CDHR4: variants seen among roughly 807,000 people sequenced by gnomAD.
CDHR4 encodes cadherin related family member 4.
CDHR4 carries 89 observed loss-of-function variants against 88.4 expected under a neutral mutation model. The ratio of observed to expected loss-of-function variants is 1.01; its 90% CI spans 0.85 to 1.20. The LOEUF is 1.20. Among genes scored for constraint, CDHR4 ranks in the 50% most tolerant of loss-of-function variants. CDHR4 has a pLI of 0.00. For synonymous variants in CDHR4, 368 were observed against 399.2 expected, an observed-to-expected ratio of 0.92 and a Z score of 0.93; for missense variants, 914 against 1,007.2, an observed-to-expected ratio of 0.91 and a Z score of 1.25.
intron 14 of CDHR4, 86 bp from the exon 15 acceptor site, chr3:49,792,696 C>T: frequency 1.3e-6 from 2 of 1,516,182 alleles, no homozygotes; most frequent in Non-Finnish European, 1.8e-6. Context: ...GCTAAGCCAC[C>T]CCACACCCAT....
At position 49,792,620 on chromosome 3, in the gene CDHR4, A is replaced by T. The variant is rs1203184176; in HGVS notation, c.1996-10T>A. The T allele has an allele frequency of 6.4e-7, 1 of 1,551,544 alleles. No homozygotes were observed. Among genetic ancestry groups the T allele is most frequent in the Non-Finnish European group, 8.7e-7 (1 of 1,146,922 alleles). ...TCATCGTTGAGGGCACCTGAAAAGG[A>T]GGCCACAGCCTCACCACTGCCTTGC... On this transcript the variant is annotated splice_polypyrimidine_tract_variant and intron_variant, in intron 14 of 18. Transcript: ENST00000412678.
chr3:49,799,979 G>A (rs1033411240), upstream of CDHR4: 2 of 632,462 alleles, frequency 3.2e-6, no homozygotes, highest in Non-Finnish European at 5.5e-6. Context: ...CTAGACCTCT[G>A]GCAGGCTTCC....
intron 4 of CDHR4, chr3:49,798,480 C>T (rs1429335823): frequency 3.3e-6 from 1 of 307,654 alleles, no homozygotes; most frequent in Non-Finnish European, 5.9e-6. Context: ...CCCAGCTACT[C>T]GGGAGGCTGA....
chr3:49,800,656 AGGATGTTCTATATCT>A (rs2081347979), upstream of CDHR4, among the ~76,000 whole-genome samples: 1 of 152,202 alleles, frequency 6.6e-6, no homozygotes, highest in Non-Finnish European at 1.5e-5. Flanking sequence ...GGAGTTGCTG[AGGATGTTCTATATCT>A]GGGTGGCAGC....
At chr3:49,802,767 C>T (rs936434681), upstream of CDHR4, among the ~76,000 whole-genome samples, 1 of 152,228 alleles carries the variant, frequency 6.6e-6, no homozygotes, top group East Asian at 1.9e-4. Flanking sequence ...TCGGTTGGGA[C>T]GCGGCTGAGG....
intron 17 of CDHR4, 79 bp from the exon 18 acceptor site, chr3:49,791,547 G>A: frequency 1.3e-6 from 2 of 1,516,472 alleles, no homozygotes; most frequent in African/African-American, 1.4e-5. Flanking sequence ...GCCCCTAGGG[G>A]GCCAGAAGCC....
chr3:49,791,232 T>G (rs1270564619), intron 18 of CDHR4, among the ~76,000 whole-genome samples: 1 of 152,120 alleles, frequency 6.6e-6, no homozygotes, highest in African/African-American at 2.4e-5. Context: ...CCAGACCAGA[T>G]ATGAGTCATC....
At position 49,798,649 on chromosome 3, in the gene CDHR4, C is replaced by T. The variant is rs2081310357; in HGVS notation, c.495+177G>A. ...GTCCCTGTGGGAACAGCCATGGTCA[C>T]TGGGGAGTGAGCAGCCCTCAGCAGC... is the stretch of plus-strand genomic sequence containing the variant. On this transcript the variant is annotated intron_variant, in intron 4 of 18. Coordinates refer to ENST00000412678, the MANE Select transcript of CDHR4 (RefSeq NM_001007540.4). The T allele has an allele frequency of 1.8e-5, 11 of 606,796 alleles. No individual in the cohort carries two copies. The East Asian group carries it at 3.1e-4, about 17-fold the overall frequency. 37.6% of individuals were successfully genotyped at this position (606,796 alleles called of 1,614,324 possible).
chr3:49,800,748 T>C (rs142815056), upstream of CDHR4, among the ~76,000 whole-genome samples: 107 of 151,978 alleles, frequency 7.0e-4, no homozygotes, highest in Non-Finnish European at 1.4e-3. Flanking sequence ...ATTTATTGTA[T>C]TTATATGTCA....
intron 4 of CDHR4, 138 bp downstream of exon 4, chr3:49,798,688 A>T: frequency 1.3e-6 from 1 of 762,018 alleles, no homozygotes; most frequent in South Asian, 1.8e-5. Flanking sequence ...CTCCAAGAAC[A>T]TACATCATGT....
In CDHR4 at chr3:49,795,037, CG is replaced by C. The variant is rs1226303159; in HGVS notation, c.1094del (p.Pro365ArgfsTer32). 6.4e-7 allele frequency: 1 copy of C among 1,551,678 alleles called. No individual in the cohort carries two copies. Among genetic ancestry groups the C allele is most frequent in the South Asian group, 1.2e-5 (1 of 84,064 alleles). On this transcript the variant is annotated frameshift_variant, in exon 9 of 19. Transcript: ENST00000412678. LOFTEE classifies it high-confidence loss of function. The surrounding 1 kb of genome is among the most constrained non-coding windows in gnomAD (Gnocchi z 5.4). Reference sequence around the variant, plus strand: ...AGTCCAGGGTGGCACCAACAGAGTCCGGATCTTCGCAAGTGAGAGTATTCAG... The same window carrying C: ...AGTCCAGGGTGGCACCAACAGAGTCCGATCTTCGCAAGTGAGAGTATTCAG... Reference protein sequence around the residue: ...TVLNTLTCEDPDSVGATLDYK... With the variant: ...TVLNTLTCEDXDSVGATLDYK...
Position 49,795,258 on chromosome 3 carries a change from A to C in CDHR4, c.969T>G (p.Asn323Lys), listed in dbSNP as rs200715638. The C allele has an allele frequency of 2.1e-4, 325 of 1,551,624 alleles. 1 individual carries two copies. In the African/African-American group the frequency reaches 3.0e-3, roughly 14 times the overall value. ...TGACCAGCTGCACATTCATGGTGAG[A>C]TTGAGCTTGGCACTGGCCCACAGCT... is the stretch of plus-strand genomic sequence containing the variant. ...QGQLWASAKL[N>K]LTMNVQLVNL... Residue 323 changes from asparagine (N) to lysine (K), a missense_variant, in exon 8 of 19, where the codon AAT becomes AAG. By Grantham distance (94) the Asn-to-Lys change is moderately conservative (BLOSUM62 0). Transcript: ENST00000412678. This position sits in a 1 kb window ranked among gnomAD's most constrained non-coding sequence, Gnocchi z 5.4.
At position 49,793,660 on chromosome 3, in the gene CDHR4, G is replaced by A. The variant is rs1338894547; in HGVS notation, c.1546C>T (p.Leu516Phe). 14 of 1,551,766 alleles carry A rather than the reference G, an allele frequency of 9.0e-6. No homozygotes were observed. The highest frequency in any genetic ancestry group is 1.2e-5 in the Non-Finnish European group (14 of 1,147,000). Residue 516 changes from leucine (L) to phenylalanine (F), a missense_variant, in exon 12 of 19, where the codon CTT (leucine) becomes TTT (phenylalanine). Transcript: ENST00000412678. ...TGGTCTTGGCCATGGTCAATCACAA[G>A]GACAGTGAGCCTGTACAGCCTCTGC... is the stretch of plus-strand genomic sequence containing the variant. ...EQQRLYRLTVLVIDHGQDQNP... is the reference protein window; with the variant it reads ...EQQRLYRLTVFVIDHGQDQNP...
rs1267397038 is a variant in CDHR4, at chr3:49,795,115, T to C, written c.1032-15A>G. 3 of 1,551,490 alleles carry C rather than the reference T, an allele frequency of 1.9e-6. No homozygotes were observed. The highest frequency in any genetic ancestry group is 2.6e-6 in the Non-Finnish European group (3 of 1,146,986). On this transcript the variant is annotated splice_polypyrimidine_tract_variant and intron_variant, in intron 8 of 18. Transcript: ENST00000412678. The surrounding 1 kb of genome is among the most constrained non-coding windows in gnomAD (Gnocchi z 5.4). ...GGATTTGGGACCTGAGAGTATGCAG[T>C]GGCAGCAAGGCAGGAGTCTGGCAGT...
chr3:49,792,630 C>G lies in CDHR4; in HGVS notation c.1996-20G>C, dbSNP rs1416733789. 5.8e-6 allele frequency: 9 copies of G among 1,551,136 alleles called. No homozygotes were observed. Among genetic ancestry groups the G allele is most frequent in the Non-Finnish European group, 7.8e-6 (9 of 1,146,762 alleles). ...GGGCACCTGAAAAGGAGGCCACAGC[C>G]TCACCACTGCCTTGCCAAAATGCCC... On this transcript the variant is annotated intron_variant, in intron 14 of 18. Transcript: ENST00000412678.
chr3:49,794,700 A>G lies in CDHR4; in HGVS notation c.1187T>C (p.Val396Ala). The part of the protein sequence containing the change: ...SLCLYDRVLE[V>A]NATLDCDTPG... Reference sequence around the variant, plus strand: ...AGTGTCACAGTCCAGTGTGGCATTCACCTAGCCAAAGGGGCTAGAAAGTGA... The same window carrying G: ...AGTGTCACAGTCCAGTGTGGCATTCGCCTAGCCAAAGGGGCTAGAAAGTGA... Residue 396 changes from valine (V) to alanine (A), a missense_variant and splice_region_variant, in exon 10 of 19, where the codon GTG (valine) becomes GCG (alanine). Val to Ala is a moderately conservative substitution (Grantham distance 64). Transcript: ENST00000412678. The G allele has an allele frequency of 6.4e-7, 1 of 1,550,528 alleles. No individual in the cohort carries two copies. Among genetic ancestry groups the G allele is most frequent in the East Asian group, 2.4e-5 (1 of 40,926 alleles).
At chr3:49,799,542 C>T in intron 1 of CDHR4, 105 bp from the exon 2 acceptor site, 1 of 1,281,908 alleles carries the variant, frequency 7.8e-7, no homozygotes, top group Non-Finnish European at 1.1e-6. Context: ...TGCCATGGGG[C>T]CAAGCAGCTA....
At chr3:49,793,125 CCTCA>C in intron 13 of CDHR4, 32 bp downstream of exon 13, 1 of 1,550,804 alleles carries the variant, frequency 6.4e-7, no homozygotes, top group African/African-American at 1.4e-5. Context: ...TTGGCCTGCC[CCTCA>C]CTCACAACCT....
In CDHR4 at chr3:49,790,817, G is replaced by C. The variant is rs2081164920; in HGVS notation, c.*15C>G. On this transcript the variant is annotated 3_prime_UTR_variant, in exon 19 of 19. Transcript: ENST00000412678. ...GAAAAAGAAATTCCACACATAGTAAGACAGCTACTTGGCCTCAGAGCCAGC... is the reference window on the plus strand; with the variant it reads ...GAAAAAGAAATTCCACACATAGTAACACAGCTACTTGGCCTCAGAGCCAGC... 1 of 1,549,370 alleles carries C rather than the reference G, an allele frequency of 6.5e-7. No homozygotes were observed. Among genetic ancestry groups the C allele is most frequent in the Non-Finnish European group, 8.7e-7 (1 of 1,145,794 alleles).
Sources: allele counts gnomAD v4.1 joint callset (sites outside exome capture counted in the v4.1 genomes callset), GRCh38; gene constraint gnomAD v4.1.1; non-coding constraint Gnocchi (gnomAD v3.1); transcripts MANE v1.5; gene names NCBI Gene and HGNC (gene_info 2026-07-23, HGNC 2026-07-21).